PLEKHA2: variants seen among roughly 807,000 people sequenced by gnomAD.
The protein encoded by PLEKHA2 is pleckstrin homology domain containing A2.
Under a neutral mutation model 53.2 loss-of-function variants are expected in PLEKHA2, and 28 were observed. The ratio of observed to expected loss-of-function variants is 0.53; its 90% CI spans 0.39 to 0.72. The LOEUF (loss-of-function observed/expected upper bound fraction) is 0.72, where lower values mean the gene tolerates loss of function less well. PLEKHA2 is among the 30% of genes least tolerant of loss of function. The pLI is 0.00. For missense variants in PLEKHA2, 426 were observed against 537.9 expected, an observed-to-expected ratio of 0.79 and a Z score of 2.06; for synonymous variants, 193 against 196.4, an observed-to-expected ratio of 0.98 and a Z score of 0.14.
At position 38,919,980 on chromosome 8, in the gene PLEKHA2, C is replaced by CT. The variant is rs1012204647; in HGVS notation, c.141+1919dup. Among the ~76,000 whole-genome samples the CT allele has an allele frequency of 1.7e-3, 252 of 151,332 alleles. 1 individual carries two copies. The highest frequency in any genetic ancestry group is 5.0e-3 in the African/African-American group (207 of 41,298). The stretch of plus-strand genomic sequence containing the variant: ...TTTCCTTTGCTCTTTTCTTTTCTCT[C>CT]TTTTTTTTTGAGACAGAGTCTTGCT... On this transcript the variant is annotated intron_variant, in intron 2 of 11. Coordinates refer to ENST00000617275, the MANE Select transcript of PLEKHA2 (RefSeq NM_021623.2).
intron 2 of PLEKHA2, among the ~76,000 whole-genome samples, chr8:38,919,500 A>G (rs557881629): frequency 9.2e-5 from 14 of 152,300 alleles, no homozygotes; most frequent in Admixed American, 3.9e-4. Context: ...GGGATGAAGA[A>G]GGGTGTGGGA....
At chr8:38,934,921 C>T (rs1834465086) in intron 2 of PLEKHA2, among the ~76,000 whole-genome samples, 1 of 152,046 alleles carries the variant, frequency 6.6e-6, no homozygotes, top group Non-Finnish European at 1.5e-5. Context: ...AGTGAGATCT[C>T]AGGGCACTCA....
At chr8:38,915,066 C>T (rs1485523643) in intron 1 of PLEKHA2, among the ~76,000 whole-genome samples, 2 of 152,126 alleles carry the variant, frequency 1.3e-5, no homozygotes, top group Non-Finnish European at 2.9e-5. Context: ...CCTACCTCAG[C>T]CTCCTGAGTA....
rs201783358 is a variant in PLEKHA2 at position 38,917,982 on chromosome 8, A to G, written c.53A>G (p.Glu18Gly). ...ATCTGTGGGTTTCTGGACATCGAGG[A>G]GCATGAGAACAGCGGCAAGTTTCTG... ...NRICGFLDIE[E>G]HENSGKFLRR... Residue 18 changes from glutamate (E) to glycine (G), a missense_variant, in exon 2 of 12, where the codon GAG becomes GGG. Coordinates refer to ENST00000617275, the MANE Select transcript of PLEKHA2 (RefSeq NM_021623.2). 3.2e-4 allele frequency: 521 copies of G among 1,613,504 alleles called. 1 individual carries two copies. The highest frequency in any genetic ancestry group is 3.4e-4 in the Non-Finnish European group (401 of 1,179,692).
At chr8:38,935,181 A>G (rs181505444) in intron 2 of PLEKHA2, among the ~76,000 whole-genome samples, 6 of 151,812 alleles carry the variant, frequency 4.0e-5, no homozygotes, top group South Asian at 2.1e-4. Flanking sequence ...GCCCGGCTCT[A>G]TATTTTTAGC....
intron 6 of PLEKHA2, 74 bp downstream of exon 6, chr8:38,951,064 G>A: frequency 9.4e-7 from 1 of 1,066,564 alleles, no homozygotes; most frequent in Non-Finnish European, 1.3e-6. Context: ...GATGTGCTCG[G>A]AGCACTGTAC....
chr8:38,928,236 C>CTTTTTT (rs11414317), intron 2 of PLEKHA2, among the ~76,000 whole-genome samples: 22 of 110,144 alleles, frequency 2.0e-4, no homozygotes, highest in African/African-American at 2.1e-4. Context: ...CTGACCTGGT[C>CTTTTTT]TTTTTTTTTT....
At chr8:38,911,926 C>T (rs559222434) in intron 1 of PLEKHA2, among the ~76,000 whole-genome samples, 1 of 152,306 alleles carries the variant, frequency 6.6e-6, no homozygotes, top group African/African-American at 2.4e-5. Context: ...CAGTAAGCTA[C>T]GATTACACCA....
In PLEKHA2 at chr8:38,946,136, T is replaced by C. The variant is rs559712063; in HGVS notation, c.260T>C (p.Leu87Pro). The change falls in exon 5 of 12, where the codon CTG (leucine) becomes CCG (proline). Residue 87 changes from leucine to proline, a missense_variant. Transcript: ENST00000617275. ...GTGGCTTTTGTAGTTATCAATGCCC[T>C]GTCTCAGAGATATTTCCTTCAAGCC... ...KTPFCFVINA[L>P]SQRYFLQAND... is the part of the protein sequence containing the mutation. 2 of 1,606,288 alleles carry C rather than the reference T, an allele frequency of 1.2e-6. No homozygotes were observed. Among genetic ancestry groups the C allele is most frequent in the Admixed American group, 1.7e-5 (1 of 58,804 alleles).
chr8:38,909,142 CAA>C (rs199814127), intron 1 of PLEKHA2, among the ~76,000 whole-genome samples: 47 of 124,530 alleles, frequency 3.8e-4, no homozygotes, highest in Non-Finnish European at 4.0e-4. Flanking sequence ...GACTCTGTCT[CAA>C]AAAAAAAAAA....
chr8:38,969,535 C>T lies in PLEKHA2; in HGVS notation c.1030C>T (p.Leu344Phe). ...GRPPLEEKKA[L>F]CKAPSVASSW... ...GCCACCTTTGGAGGAAAAGAAAGCC[C>T]TCTGCAAAGCCCCCTCTGTGGCCTC... Residue 344 changes from leucine (L) to phenylalanine (F), a missense_variant, in exon 12 of 12, where the codon CTC becomes TTC. Coordinates refer to ENST00000617275, the MANE Select transcript of PLEKHA2 (RefSeq NM_021623.2). The T allele has an allele frequency of 6.2e-7, 1 of 1,613,026 alleles. No homozygotes were observed. Among genetic ancestry groups the T allele is most frequent in the Non-Finnish European group, 8.5e-7 (1 of 1,179,446 alleles).
chr8:38,957,416 C>T (rs1834962184), intron 10 of PLEKHA2, 30 bp downstream of exon 10: 1 of 1,568,892 alleles, frequency 6.4e-7, no homozygotes, highest in Non-Finnish European at 8.8e-7. Flanking sequence ...AAGACTCCAG[C>T]ATTCTGTTTC....
At chr8:38,906,974 C>G (rs115803300) in intron 1 of PLEKHA2, among the ~76,000 whole-genome samples, 1,643 of 152,238 alleles carry the variant, frequency 0.011, 20 homozygotes, top group African/African-American at 0.038. Flanking sequence ...TTTGAGATCT[C>G]TGATGTTATT....
At chr8:38,963,004 A>G (rs2129424266) in intron 10 of PLEKHA2, among the ~76,000 whole-genome samples, 1 of 152,302 alleles carries the variant, frequency 6.6e-6, no homozygotes, top group South Asian at 2.1e-4. Flanking sequence ...ATGAAGGAGG[A>G]GTTGCCTAAA....
At chr8:38,957,443 A>T in intron 10 of PLEKHA2, 57 bp downstream of exon 10, 1 of 1,424,132 alleles carries the variant, frequency 7.0e-7, no homozygotes, top group Non-Finnish European at 9.9e-7. Context: ...TGGTGCCCTC[A>T]CAGGCCGTGT....
At chr8:38,953,417 T>C in intron 9 of PLEKHA2, 50 bp downstream of exon 9, 1 of 1,502,188 alleles carries the variant, frequency 6.7e-7, no homozygotes, top group Non-Finnish European at 9.3e-7. Flanking sequence ...ATTTGTCCTC[T>C]TAAATCTCCC....
intron 2 of PLEKHA2, among the ~76,000 whole-genome samples, chr8:38,920,260 C>G (rs965823054): frequency 6.6e-6 from 1 of 152,138 alleles, no homozygotes; most frequent in Non-Finnish European, 1.5e-5. Flanking sequence ...ACGCCATTCT[C>G]CTGCCTCAGC....
chr8:38,918,527 C>CCACACACAT (rs1834111567), intron 2 of PLEKHA2, among the ~76,000 whole-genome samples: 5 of 10,986 alleles, frequency 4.6e-4, no homozygotes, highest in East Asian at 2.1e-3. Flanking sequence ...TACACACATG[C>CCACACACAT]ACACACACCC....
At chr8:38,933,642 T>G (rs1239140422) in intron 2 of PLEKHA2, among the ~76,000 whole-genome samples, 1 of 151,794 alleles carries the variant, frequency 6.6e-6, no homozygotes, top group Non-Finnish European at 1.5e-5. Flanking sequence ...GGCAGCACGG[T>G]GTCTTTGCCC....
Sources: allele counts gnomAD v4.1 joint callset (sites outside exome capture counted in the v4.1 genomes callset), GRCh38; gene constraint gnomAD v4.1.1; transcripts MANE v1.5; gene names NCBI Gene and HGNC (gene_info 2026-07-23, HGNC 2026-07-21).